CEP63: variants seen among roughly 807,000 people sequenced by gnomAD.
CEP63 encodes the protein centrosomal protein of 63 kDa.
Under a neutral mutation model 89.1 loss-of-function variants are expected in CEP63, and 84 were observed. The observed-to-expected ratio is 0.94, with a 90% CI of 0.79 to 1.13. The LOEUF is 1.13. CEP63 is among the 50% of genes most tolerant of loss of function. The pLI is 0.00. For synonymous variants in CEP63, 267 were observed against 272.5 expected (o/e 0.98, Z 0.20); for missense variants, 838 against 813.3 (o/e 1.03, Z -0.37).
At chr3:134,505,303 G>C (rs922939142) in intron 2 of CEP63, among the ~76,000 whole-genome samples, 1 of 151,882 alleles carries the variant, frequency 6.6e-6, no homozygotes, top group Non-Finnish European at 1.5e-5. Flanking sequence ...CTATAGTGTT[G>C]GTTGGGTAGG....
chr3:134,651,946 G>A, the CEP63 span, among the ~76,000 whole-genome samples: 2 of 152,138 alleles, frequency 1.3e-5, no homozygotes, highest in African/African-American at 2.4e-5. Context: ...CCCCTAATTC[G>A]AGTTTCTACT....
intron 5 of CEP63, chr3:134,536,648 G>C (rs1950829425): frequency 5.4e-6 from 1 of 186,832 alleles, no homozygotes; most frequent in African/African-American, 2.4e-5. Flanking sequence ...AAAGGATATT[G>C]TGTTATCTGA....
At chr3:134,594,991 G>C in the CEP63 span, among the ~76,000 whole-genome samples, 1 of 152,186 alleles carries the variant, frequency 6.6e-6, no homozygotes, top group East Asian at 1.9e-4. Context: ...TGGGACCTTT[G>C]GTTTGAAAGC....
the CEP63 span, among the ~76,000 whole-genome samples, chr3:134,740,491 G>T: frequency 5.9e-5 from 9 of 152,020 alleles, no homozygotes; most frequent in South Asian, 1.7e-3. Context: ...TAGAGATGGG[G>T]GTTCACCGTG....
the CEP63 span, among the ~76,000 whole-genome samples, chr3:134,605,590 C>T: frequency 2.0e-5 from 3 of 152,174 alleles, no homozygotes; most frequent in African/African-American, 2.4e-5. Context: ...CTACCTTCTT[C>T]GTGGCTGTCC....
chr3:134,757,537 G>A, the CEP63 span, among the ~76,000 whole-genome samples: 1 of 152,290 alleles, frequency 6.6e-6, no homozygotes, highest in Non-Finnish European at 1.5e-5. Flanking sequence ...AATATTGGAG[G>A]TAGGAGTAGA....
the CEP63 span, among the ~76,000 whole-genome samples, chr3:134,726,451 CACAG>C: frequency 0.25 from 15,378 of 61,304 alleles, 1,049 homozygotes; most frequent in East Asian, 0.41. Context: ...GACACAGGCA[CACAG>C]ACAGACACAC....
At chr3:134,673,714 C>T in the CEP63 span, among the ~76,000 whole-genome samples, 1 of 152,078 alleles carries the variant, frequency 6.6e-6, no homozygotes, top group Non-Finnish European at 1.5e-5. Context: ...CAATTTAATC[C>T]CTTCCCCATC....
At chr3:134,730,737 T>C in the CEP63 span, among the ~76,000 whole-genome samples, 1 of 152,084 alleles carries the variant, frequency 6.6e-6, no homozygotes, top group Non-Finnish European at 1.5e-5. Context: ...ATGTGCTTTA[T>C]AATATAAATA....
chr3:134,592,156 T>A (rs946640981), downstream of CEP63, among the ~76,000 whole-genome samples: 40 of 152,182 alleles, frequency 2.6e-4, no homozygotes, highest in Non-Finnish European at 7.3e-5. Context: ...ACATGGCTGT[T>A]GGCAGGAGGA....
At chr3:134,597,039 T>A in the CEP63 span, among the ~76,000 whole-genome samples, 1 of 152,094 alleles carries the variant, frequency 6.6e-6, no homozygotes, top group African/African-American at 2.4e-5. Flanking sequence ...TGGTGTCACA[T>A]GGTTGATGAT....
intron 5 of CEP63, 59 bp downstream of exon 5, chr3:134,532,959 G>A (rs886606744): frequency 5.0e-5 from 79 of 1,570,560 alleles, no homozygotes; most frequent in African/African-American, 1.1e-4. Context: ...AGGAAAATGC[G>A]GTTTCTAATG....
the CEP63 span, chr3:134,620,656 ACT>A: frequency 1.2e-6 from 1 of 854,738 alleles, no homozygotes. Flanking sequence ...CTTTCATGTC[ACT>A]CTGCACACGT....
the CEP63 span, among the ~76,000 whole-genome samples, chr3:134,668,127 C>A: frequency 2.6e-5 from 4 of 152,098 alleles, no homozygotes; most frequent in Admixed American, 2.6e-4. Context: ...CTTGCAGGAA[C>A]CGCCTCACAT....
intron 2 of CEP63, among the ~76,000 whole-genome samples, chr3:134,504,767 A>G (rs1943033369): frequency 6.6e-6 from 1 of 152,134 alleles, no homozygotes; most frequent in African/African-American, 2.4e-5. Context: ...ATGGTCTCCC[A>G]TATGCCATGT....
At chr3:134,565,598 A>G (rs1957722074), downstream of CEP63, among the ~76,000 whole-genome samples, 1 of 152,146 alleles carries the variant, frequency 6.6e-6, no homozygotes, top group Admixed American at 6.6e-5. Flanking sequence ...AAATGCATCA[A>G]AAAGTAACAA....
chr3:134,607,803 T>C, the CEP63 span: 35 of 987,778 alleles, frequency 3.5e-5, no homozygotes, highest in African/African-American at 5.9e-4. Flanking sequence ...GGGTATCCTA[T>C]ACTGCCCCAG....
At chr3:134,771,559 ATGTTGC>A in the CEP63 span, among the ~76,000 whole-genome samples, 1 of 75,352 alleles carries the variant, frequency 1.3e-5, no homozygotes, top group South Asian at 3.3e-4. Flanking sequence ...GATGATGTCG[ATGTTGC>A]TGTTTCAAGA....
the CEP63 span, among the ~76,000 whole-genome samples, chr3:134,593,322 G>A: frequency 2.0e-5 from 3 of 152,166 alleles, no homozygotes; most frequent in South Asian, 4.1e-4. Flanking sequence ...CTATGTGCCC[G>A]GGACTTTTCT....
Sources: gnomAD v4.1 joint callset for allele counts (sites outside exome capture counted in the v4.1 genomes callset) on GRCh38, gnomAD v4.1.1 for gene constraint, MANE v1.5 for transcripts, NCBI Gene and HGNC (gene_info 2026-07-23, HGNC 2026-07-21) for gene names.